LRMDA: variants seen among roughly 807,000 people sequenced by gnomAD.
LRMDA encodes leucine rich melanocyte differentiation associated.
LRMDA carries 18 observed loss-of-function variants against 29.8 expected under a neutral mutation model. The ratio of observed to expected loss-of-function variants is 0.60; its 90% CI spans 0.42 to 0.90. The LOEUF is 0.90. LRMDA is among the 40% of genes least tolerant of loss of function. The pLI is 0.00. For missense variants in LRMDA, 273 were observed against 273.9 expected (o/e 1.00, Z 0.02); for synonymous variants, 125 against 109.4 (o/e 1.14, Z -0.89).
chr10:75,909,065 A>G (rs537108973), intron 2 of LRMDA, among the ~76,000 whole-genome samples: 1 of 152,280 alleles, frequency 6.6e-6, no homozygotes, highest in Non-Finnish European at 1.5e-5. Context: ...CTCTGGGCCA[A>G]ATCTTGGGCT....
intron 4 of LRMDA, among the ~76,000 whole-genome samples, chr10:76,048,924 C>CT (rs113090199): frequency 1.4e-4 from 21 of 151,258 alleles, no homozygotes; most frequent in Admixed American, 3.9e-4. Flanking sequence ...GGCTTGGCAC[C>CT]TTTTTTTTTC....
chr10:76,164,429 A>G (rs1850698622), intron 5 of LRMDA, among the ~76,000 whole-genome samples: 1 of 152,204 alleles, frequency 6.6e-6, no homozygotes, highest in Admixed American at 6.5e-5. Flanking sequence ...GGGGTTGGCA[A>G]ATTACAGCCC....
chr10:75,914,255 G>A (rs1043552054), intron 2 of LRMDA, among the ~76,000 whole-genome samples: 2 of 152,170 alleles, frequency 1.3e-5, no homozygotes, highest in African/African-American at 4.8e-5. Context: ...TTATTTGGTT[G>A]CTCCTTAGCT....
intron 2 of LRMDA, among the ~76,000 whole-genome samples, chr10:76,002,764 G>A (rs1018698163): frequency 2.6e-5 from 4 of 152,060 alleles, no homozygotes; most frequent in African/African-American, 9.7e-5. Flanking sequence ...GCAAGGAGGG[G>A]CTCCTACAAA....
chr10:76,055,851 G>T (rs538071421), intron 4 of LRMDA, among the ~76,000 whole-genome samples: 51 of 152,312 alleles, frequency 3.3e-4, no homozygotes, highest in African/African-American at 1.2e-3. Flanking sequence ...CCCCAAAGAG[G>T]GTGTCACAGC....
chr10:75,578,229 A>AAAAAAAAAAAAAAAAAAAAAAAAC (rs1840535155), intron 2 of LRMDA, among the ~76,000 whole-genome samples: 1 of 144,738 alleles, frequency 6.9e-6, no homozygotes, highest in Non-Finnish European at 1.5e-5. Flanking sequence ...AAAAAAAAAA[A>AAAAAAAAAAAAAAAAAAAAAAAAC]AAAAAAAAAA....
At chr10:75,467,128 G>A (rs957088078) in intron 2 of LRMDA, among the ~76,000 whole-genome samples, 3 of 152,156 alleles carry the variant, frequency 2.0e-5, no homozygotes, top group Non-Finnish European at 4.4e-5. Flanking sequence ...CAAGTACGAC[G>A]ACGTGGACAT....
intron 2 of LRMDA, among the ~76,000 whole-genome samples, chr10:75,881,615 T>C (rs1193324298): frequency 2.0e-5 from 3 of 152,178 alleles, no homozygotes; most frequent in African/African-American, 7.2e-5. Flanking sequence ...AGCCTCTGAT[T>C]CGTTGCTTTC....
At position 75,845,024 on chromosome 10, in the gene LRMDA, T is replaced by C. The variant is rs566435580; in HGVS notation, c.132-190984T>C. 6.6e-5 allele frequency among the ~76,000 whole-genome samples: 10 copies of C among 152,374 alleles called. No individual in the cohort carries two copies. The South Asian group carries it at 1.9e-3, about 28-fold the overall frequency. ...TTGAAGTGTGGCAACGCTGAAAGTA[T>C]AATTATATCATTCATGTTAGGTGAA... On this transcript the variant is annotated intron_variant, in intron 2 of 6. Transcript: ENST00000611255.
At chr10:75,665,280 A>G (rs1302564259) in intron 2 of LRMDA, among the ~76,000 whole-genome samples, 1 of 152,230 alleles carries the variant, frequency 6.6e-6, no homozygotes, top group Non-Finnish European at 1.5e-5. Context: ...ACTGAAGCCT[A>G]GAGCAGACAG....
chr10:75,493,359 G>GTGTGTGTT (rs1845009850), intron 2 of LRMDA, among the ~76,000 whole-genome samples: 1 of 149,554 alleles, frequency 6.7e-6, no homozygotes, highest in African/African-American at 2.5e-5. Context: ...GTGTGTGTGT[G>GTGTGTGTT]TGTGTGTGTG....
At chr10:75,519,109 T>G (rs1845327449) in intron 2 of LRMDA, among the ~76,000 whole-genome samples, 1 of 152,060 alleles carries the variant, frequency 6.6e-6, no homozygotes, top group African/African-American at 2.4e-5. Context: ...TGCTGAGGAG[T>G]GTTTTACTTC....
intron 2 of LRMDA, among the ~76,000 whole-genome samples, chr10:75,499,899 C>T (rs1048741384): frequency 1.3e-5 from 2 of 152,332 alleles, no homozygotes; most frequent in African/African-American, 4.8e-5. Context: ...CCTTCCCCTT[C>T]TGAGCTCCGG....
chr10:75,668,300 C>T (rs776297968), intron 2 of LRMDA, among the ~76,000 whole-genome samples: 6 of 152,152 alleles, frequency 3.9e-5, no homozygotes, highest in Non-Finnish European at 7.3e-5. Flanking sequence ...TCCCATAGTA[C>T]ACATTTCCTC....
At chr10:76,474,891 G>A (rs1048136087) in intron 6 of LRMDA, among the ~76,000 whole-genome samples, 1 of 151,518 alleles carries the variant, frequency 6.6e-6, no homozygotes, top group African/African-American at 2.4e-5. Context: ...ATACACAAAT[G>A]CAAACAAAAT....
At chr10:76,276,051 ATCTCTTTCTTTC>A (rs1172634749) in intron 5 of LRMDA, among the ~76,000 whole-genome samples, 42 of 127,528 alleles carry the variant, frequency 3.3e-4, no homozygotes, top group African/African-American at 4.8e-4. Flanking sequence ...CTATCTATCT[ATCTCTTTCTTTC>A]TCTCTTTCTT....
At chr10:75,558,075 C>T (rs1265936133) in intron 2 of LRMDA, among the ~76,000 whole-genome samples, 1 of 151,982 alleles carries the variant, frequency 6.6e-6, no homozygotes, top group Non-Finnish European at 1.5e-5. Context: ...CTCATGCCCC[C>T]TTACCCTCCT....
At chr10:75,711,476 A>T (rs559394783) in intron 2 of LRMDA, among the ~76,000 whole-genome samples, 2 of 152,318 alleles carry the variant, frequency 1.3e-5, no homozygotes, top group South Asian at 2.1e-4. Context: ...TGTGTAGAAG[A>T]ACGTACCCCA....
chr10:76,367,171 A>G (rs1841400699), intron 6 of LRMDA, among the ~76,000 whole-genome samples: 1 of 152,030 alleles, frequency 6.6e-6, no homozygotes, highest in Admixed American at 6.6e-5. Context: ...TTTGTTAACT[A>G]TTTTAGCATC....
Sources: gnomAD v4.1 joint callset for allele counts (sites outside exome capture counted in the v4.1 genomes callset) on GRCh38, gnomAD v4.1.1 for gene constraint, MANE v1.5 for transcripts, NCBI Gene and HGNC (gene_info 2026-07-23, HGNC 2026-07-21) for gene names.